The following PKHD1 variants were observed in gnomAD, a reference collection of about 807,000 sequenced individuals.
PKHD1 encodes the protein fibrocystin.
Under a neutral mutation model 412.0 loss-of-function variants are expected in PKHD1, and 291 were observed. The ratio of observed to expected loss-of-function variants is 0.71; its 90% CI spans 0.64 to 0.78. PKHD1 has a LOEUF of 0.78. PKHD1 is among the 30% of genes least tolerant of loss of function. The probability of loss-of-function intolerance (pLI) is 0.00; values close to 1 mark genes in which losing one functional copy is unlikely to be tolerated. For synonymous variants in PKHD1, 1,777 were observed against 1,821.5 expected, an observed-to-expected ratio of 0.98 and a Z score of 0.62; for missense variants, 4,825 against 4,950.7, an observed-to-expected ratio of 0.97 and a Z score of 0.76.
intron 60 of PKHD1, among the ~76,000 whole-genome samples, chr6:51,678,386 A>C (rs984270742): frequency 1.3e-5 from 2 of 152,188 alleles, no homozygotes; most frequent in Admixed American, 6.6e-5. Flanking sequence ...TTTTAAAAAG[A>C]GAATTTTTAA....
chr6:51,635,504 A>T (rs1768412773), intron 64 of PKHD1, among the ~76,000 whole-genome samples: 2 of 152,126 alleles, frequency 1.3e-5, no homozygotes, highest in African/African-American at 4.8e-5. Flanking sequence ...CACCCTTGGG[A>T]TATAATGTCA....
At chr6:51,848,386 T>C (rs902351644) in intron 49 of PKHD1, among the ~76,000 whole-genome samples, 2 of 152,236 alleles carry the variant, frequency 1.3e-5, no homozygotes, top group African/African-American at 4.8e-5. Context: ...CATCCATTTA[T>C]CACAGTAATA....
At chr6:51,921,332 A>T (rs538332820) in intron 37 of PKHD1, among the ~76,000 whole-genome samples, 45 of 152,264 alleles carry the variant, frequency 3.0e-4, no homozygotes, top group Middle Eastern at 6.8e-3. Context: ...GTGGGTAACC[A>T]GACCTTTCTC....
At chr6:51,697,778 A>C (rs746669305) in intron 60 of PKHD1, among the ~76,000 whole-genome samples, 3 of 152,224 alleles carry the variant, frequency 2.0e-5, no homozygotes, top group African/African-American at 4.8e-5. Context: ...CAGAACTCTG[A>C]CTATAAACAA....
At chr6:51,720,258 A>G (rs895092984) in intron 60 of PKHD1, among the ~76,000 whole-genome samples, 13 of 152,216 alleles carry the variant, frequency 8.5e-5, no homozygotes, top group Admixed American at 1.3e-4. Context: ...CAAACCTTCC[A>G]GAGTTTTAAA....
At chr6:51,791,162 C>T in intron 53 of PKHD1, 74 bp downstream of exon 53, 1 of 1,435,456 alleles carries the variant, frequency 7.0e-7, no homozygotes. Flanking sequence ...CTTGATGATA[C>T]CATCTGTTTC....
At chr6:51,760,511 T>C (rs1247132381) in intron 55 of PKHD1, among the ~76,000 whole-genome samples, 2 of 152,104 alleles carry the variant, frequency 1.3e-5, no homozygotes, top group African/African-American at 2.4e-5. Flanking sequence ...CTGTGTCTGA[T>C]GTAATGGAAT....
intron 60 of PKHD1, among the ~76,000 whole-genome samples, chr6:51,703,101 A>T (rs1217939329): frequency 1.3e-5 from 2 of 152,128 alleles, no homozygotes; most frequent in East Asian, 3.9e-4. Context: ...CTCCATAAAC[A>T]TTTATAGAAA....
intron 36 of PKHD1, among the ~76,000 whole-genome samples, chr6:51,944,455 T>C (rs1789118629): frequency 6.6e-6 from 1 of 152,184 alleles, no homozygotes; most frequent in Non-Finnish European, 1.5e-5. Context: ...TTTTGAGATT[T>C]TTTTTTAGGC....
chr6:52,021,666 A>T (rs1041174672), intron 33 of PKHD1, among the ~76,000 whole-genome samples: 3 of 152,102 alleles, frequency 2.0e-5, no homozygotes, highest in African/African-American at 7.2e-5. Flanking sequence ...TCTCTTCCAT[A>T]ATGTGTTTAT....
In PKHD1 at chr6:51,705,203, G is replaced by C. The variant is rs138094591; in HGVS notation, c.10156+39182C>G. 5.8e-4 allele frequency among the ~76,000 whole-genome samples: 88 copies of C among 152,118 alleles called. No individual in the cohort carries two copies. In the East Asian group the frequency reaches 0.016, roughly 27 times the overall value. On this transcript the variant is annotated intron_variant, in intron 60 of 66. Transcript: ENST00000371117. Reference sequence around the variant, plus strand: ...CAGTACCGAGAAGTAGAAGAACCAGGAGAGTGCACTGCCTTGAAAAATCAA... The same window carrying C: ...CAGTACCGAGAAGTAGAAGAACCAGCAGAGTGCACTGCCTTGAAAAATCAA...
intron 37 of PKHD1, among the ~76,000 whole-genome samples, chr6:51,928,245 A>T (rs1785999159): frequency 6.6e-6 from 1 of 152,334 alleles, no homozygotes; most frequent in Non-Finnish European, 1.5e-5. Flanking sequence ...TAGATTAATC[A>T]GGACTGGCAT....
chr6:51,768,122 G>A (rs1789443994), intron 55 of PKHD1, among the ~76,000 whole-genome samples: 3 of 151,884 alleles, frequency 2.0e-5, no homozygotes. Flanking sequence ...CTTCTTTTGA[G>A]AAGTGTCAGT....
At chr6:51,813,479 T>A (rs1319426102) in intron 52 of PKHD1, among the ~76,000 whole-genome samples, 1 of 152,184 alleles carries the variant, frequency 6.6e-6, no homozygotes, top group Non-Finnish European at 1.5e-5. Context: ...TTCTATGGCC[T>A]TATATTTATA....
rs1412562414 is a variant in PKHD1 at position 51,753,242 on chromosome 6, A to G, written c.8909T>C (p.Phe2970Ser). 19 of 1,613,744 alleles carry G rather than the reference A, an allele frequency of 1.2e-5. No individual in the cohort carries two copies. Among genetic ancestry groups the G allele is most frequent in the Non-Finnish European group, 1.5e-5 (18 of 1,179,804 alleles). ...GCTGGACTTCCTGAAGGACCCCACA[A>G]ACAGTCTCCCCCTACATGATACGTC... ...QPDVSCRGRL[F>S]VGSFRKSSRE... The change falls in exon 57 of 67, where the codon TTT (phenylalanine) becomes TCT (serine). Residue 2970 changes from phenylalanine (F) to serine (S), a missense_variant. Transcript: ENST00000371117.
At chr6:51,623,823 G>C (rs938698051) in intron 66 of PKHD1, among the ~76,000 whole-genome samples, 1 of 152,152 alleles carries the variant, frequency 6.6e-6, no homozygotes, top group African/African-American at 2.4e-5. Flanking sequence ...CTGACCTCAG[G>C]TGATCTGTCC....
chr6:51,813,590 C>T (rs1028544154), intron 52 of PKHD1, among the ~76,000 whole-genome samples: 2 of 151,982 alleles, frequency 1.3e-5, no homozygotes, highest in Non-Finnish European at 2.9e-5. Flanking sequence ...CTGATTTTAA[C>T]TTCTGACCAC....
intron 43 of PKHD1, among the ~76,000 whole-genome samples, chr6:51,899,018 T>C (rs1460912122): frequency 2.0e-5 from 3 of 152,248 alleles, no homozygotes; most frequent in Non-Finnish European, 2.9e-5. Context: ...ATTGTGGCAA[T>C]AATCAATAGC....
chr6:51,628,213 C>T (rs987299695), intron 65 of PKHD1, among the ~76,000 whole-genome samples: 1 of 152,174 alleles, frequency 6.6e-6, no homozygotes, highest in South Asian at 2.1e-4. Context: ...AGTTTTTCAA[C>T]CCTTACCCCC....
Sources: gnomAD v4.1 joint callset for allele counts (sites outside exome capture counted in the v4.1 genomes callset) on GRCh38, gnomAD v4.1.1 for gene constraint, MANE v1.5 for transcripts, NCBI Gene and HGNC (gene_info 2026-07-23, HGNC 2026-07-21) for gene names.